ZNF804A: variants seen among roughly 807,000 people sequenced by gnomAD.
ZNF804A encodes the protein zinc finger protein 804A.
ZNF804A carries 2 observed loss-of-function variants against 16.5 expected under a neutral mutation model. That is an observed-to-expected ratio of 0.12 (90% CI 0.05 to 0.38). The LOEUF (loss-of-function observed/expected upper bound fraction) is 0.38. Among genes scored for constraint, ZNF804A ranks in the 10% least tolerant of loss-of-function variants. The pLI is 0.99. For synonymous variants in ZNF804A, 534 were observed against 489.6 expected (o/e 1.09, Z -1.20); for missense variants, 1,473 against 1,390.7 (o/e 1.06, Z -0.94).
chr2:184,604,113 C>G (rs1234133667), intron 1 of ZNF804A, among the ~76,000 whole-genome samples: 1 of 137,098 alleles, frequency 7.3e-6, no homozygotes, highest in Non-Finnish European at 1.5e-5. Flanking sequence ...CACTTCTGCA[C>G]CAATAGTTTC....
chr2:184,860,905 T>C (rs1279080298), intron 1 of ZNF804A, among the ~76,000 whole-genome samples: 1 of 152,208 alleles, frequency 6.6e-6, no homozygotes, highest in Non-Finnish European at 1.5e-5. Flanking sequence ...GGGGTTGGCC[T>C]AGGGTATGGG....
chr2:184,808,751 G>T (rs1057096260), intron 1 of ZNF804A, among the ~76,000 whole-genome samples: 2 of 151,490 alleles, frequency 1.3e-5, no homozygotes, highest in African/African-American at 4.8e-5. Context: ...GGTAAAAACA[G>T]AATTTAATAA....
intron 1 of ZNF804A, among the ~76,000 whole-genome samples, chr2:184,773,627 T>C (rs1694248896): frequency 6.6e-6 from 1 of 151,860 alleles, no homozygotes; most frequent in Non-Finnish European, 1.5e-5. Flanking sequence ...ATAAGAATGA[T>C]ACAGTGAACT....
chr2:184,692,958 C>T (rs1692757429), intron 1 of ZNF804A, among the ~76,000 whole-genome samples: 1 of 151,910 alleles, frequency 6.6e-6, no homozygotes, highest in Admixed American at 6.6e-5. Flanking sequence ...TTTATAAAAC[C>T]ACATGGTTTT....
In ZNF804A at chr2:184,706,123, T is replaced by G. The variant is rs377116577; in HGVS notation, c.111+107053T>G. Reference sequence around the variant, plus strand: ...ACCAGACTTCTTTATCACTATTTTTTCAGTCATGTTCCTTCCAAGTCCCTG... The same window carrying G: ...ACCAGACTTCTTTATCACTATTTTTGCAGTCATGTTCCTTCCAAGTCCCTG... On this transcript the variant is annotated intron_variant, in intron 1 of 3. Transcript: ENST00000302277. 4.6e-5 allele frequency among the ~76,000 whole-genome samples: 7 copies of G among 152,288 alleles called. No homozygotes were observed. The South Asian group carries it at 1.2e-3, about 27-fold the overall frequency.
intron 1 of ZNF804A, among the ~76,000 whole-genome samples, chr2:184,678,342 A>G (rs1692475048): frequency 6.6e-6 from 1 of 152,046 alleles, no homozygotes; most frequent in Non-Finnish European, 1.5e-5. Flanking sequence ...TCCAGTATTG[A>G]TATTCAAAAC....
intron 1 of ZNF804A, among the ~76,000 whole-genome samples, chr2:184,738,608 C>G (rs1693669393): frequency 6.6e-6 from 1 of 152,192 alleles, no homozygotes. Flanking sequence ...CCATTTGCTG[C>G]ATTCACTTTG....
chr2:184,843,813 C>A, intron 1 of ZNF804A, among the ~76,000 whole-genome samples: 1 of 152,008 alleles, frequency 6.6e-6, no homozygotes, highest in East Asian at 1.9e-4. Flanking sequence ...GTTAGTCTGG[C>A]TTTTTTAACT....
chr2:184,702,410 C>T (rs1434378063), intron 1 of ZNF804A, among the ~76,000 whole-genome samples: 1 of 152,020 alleles, frequency 6.6e-6, no homozygotes, highest in Non-Finnish European at 1.5e-5. Flanking sequence ...CTTACGATTC[C>T]TCAAACCTAA....
At position 184,739,213 on chromosome 2, in the gene ZNF804A, C is replaced by T. The variant is rs139452357; in HGVS notation, c.112-127156C>T. Reference sequence around the variant, plus strand: ...GATCCCTAATTGCACCCACCATGTACATGCTTAATTATAAACTCAAGGAAT... The same window carrying T: ...GATCCCTAATTGCACCCACCATGTATATGCTTAATTATAAACTCAAGGAAT... On this transcript the variant is annotated intron_variant, in intron 1 of 3. Transcript: ENST00000302277. 3.8e-3 allele frequency among the ~76,000 whole-genome samples: 572 copies of T among 152,240 alleles called. 6 individuals are homozygous for T. Among genetic ancestry groups the T allele is most frequent in the East Asian group, 2.3e-3 (12 of 5,182 alleles).
chr2:184,920,953 G>A (rs1685520243), intron 2 of ZNF804A, among the ~76,000 whole-genome samples: 2 of 152,242 alleles, frequency 1.3e-5, no homozygotes, highest in South Asian at 4.1e-4. Context: ...GAATAAATGT[G>A]GGCTAAGCTG....
chr2:184,838,080 G>A (rs1201616836), intron 1 of ZNF804A, among the ~76,000 whole-genome samples: 1 of 152,102 alleles, frequency 6.6e-6, no homozygotes, highest in Non-Finnish European at 1.5e-5. Flanking sequence ...GCCTCTCTCA[G>A]GGGATATTTG....
chr2:184,621,727 A>T (rs1024908666), intron 1 of ZNF804A, among the ~76,000 whole-genome samples: 3 of 151,784 alleles, frequency 2.0e-5, no homozygotes, highest in African/African-American at 2.4e-5. Context: ...AAATATTTTT[A>T]AAAATTATCT....
At chr2:184,729,777 A>G (rs1693482284) in intron 1 of ZNF804A, among the ~76,000 whole-genome samples, 1 of 152,144 alleles carries the variant, frequency 6.6e-6, no homozygotes, top group South Asian at 2.1e-4. Flanking sequence ...CAAATGTGTC[A>G]TGCCAACATA....
intron 1 of ZNF804A, among the ~76,000 whole-genome samples, chr2:184,852,933 T>C (rs1253608025): frequency 9.9e-5 from 15 of 151,848 alleles, no homozygotes. Context: ...TGGACTCTTT[T>C]TTGGTTTCAT....
At chr2:184,625,583 A>T (rs1213511688) in intron 1 of ZNF804A, among the ~76,000 whole-genome samples, 1 of 152,166 alleles carries the variant, frequency 6.6e-6, no homozygotes, top group African/African-American at 2.4e-5. Flanking sequence ...ATAAGTAGAT[A>T]AAAGGCACGA....
intron 1 of ZNF804A, among the ~76,000 whole-genome samples, chr2:184,772,541 G>A (rs796675010): frequency 3.3e-5 from 5 of 151,850 alleles, no homozygotes; most frequent in African/African-American, 1.2e-4. Context: ...AGTTTGGGGT[G>A]TTTCTACTTT....
At chr2:184,803,579 A>G (rs998801226) in intron 1 of ZNF804A, among the ~76,000 whole-genome samples, 1 of 152,226 alleles carries the variant, frequency 6.6e-6, no homozygotes, top group African/African-American at 2.4e-5. Flanking sequence ...CTGCTGAACA[A>G]CACCTACATA....
At chr2:184,872,513 G>A (rs906731082) in intron 2 of ZNF804A, among the ~76,000 whole-genome samples, 5 of 151,986 alleles carry the variant, frequency 3.3e-5, no homozygotes, top group African/African-American at 1.2e-4. Flanking sequence ...ATACCAATGA[G>A]AAGAACAATA....
Sources: allele counts gnomAD v4.1 joint callset (sites outside exome capture counted in the v4.1 genomes callset), GRCh38; gene constraint gnomAD v4.1.1; transcripts MANE v1.5; gene names NCBI Gene and HGNC (gene_info 2026-07-23, HGNC 2026-07-21).